The following BBX variants were observed in gnomAD, a reference collection of about 807,000 sequenced individuals.
BBX encodes HMG box transcription factor BBX.
In BBX, 30 loss-of-function variants were observed where a neutral mutation model predicts 100.2. The observed-to-expected ratio is 0.30, with a 90% CI of 0.22 to 0.41. The LOEUF (loss-of-function observed/expected upper bound fraction) is 0.41, where lower values mean the gene tolerates loss of function less well. Among genes scored for constraint, BBX ranks in the 10% least tolerant of loss-of-function variants. The probability of loss-of-function intolerance (pLI) is 1.00; values close to 1 mark genes in which losing one functional copy is unlikely to be tolerated. For missense variants in BBX, 1,023 were observed against 1,129.8 expected, an observed-to-expected ratio of 0.91 and a Z score of 1.35; for synonymous variants, 376 against 388.1, an observed-to-expected ratio of 0.97 and a Z score of 0.37.
intron 9 of BBX, among the ~76,000 whole-genome samples, 188 bp downstream of exon 9, chr3:107,748,227 G>A (rs112216280): frequency 5.3e-5 from 8 of 152,148 alleles, no homozygotes; most frequent in Admixed American, 3.3e-4. Flanking sequence ...ATCAGCTCCC[G>A]ATTTTACACC....
At chr3:107,596,874 G>C (rs2053700876) in intron 2 of BBX, among the ~76,000 whole-genome samples, 2 of 152,122 alleles carry the variant, frequency 1.3e-5, no homozygotes, top group South Asian at 4.1e-4. Context: ...GGTCTAAATT[G>C]CTGTTTTCTT....
chr3:107,538,921 C>T (rs999538653), intron 2 of BBX, among the ~76,000 whole-genome samples: 5 of 151,968 alleles, frequency 3.3e-5, no homozygotes, highest in Non-Finnish European at 4.4e-5. Flanking sequence ...GCTGGGACCA[C>T]AGGAACATGC....
At chr3:107,655,757 G>C (rs1268545910) in intron 3 of BBX, among the ~76,000 whole-genome samples, 1 of 151,022 alleles carries the variant, frequency 6.6e-6, no homozygotes, top group Non-Finnish European at 1.5e-5. Flanking sequence ...CTGGAATGCA[G>C]TGACACAATC....
intron 2 of BBX, among the ~76,000 whole-genome samples, chr3:107,609,711 C>T (rs767180682): frequency 1.2e-4 from 18 of 151,676 alleles, no homozygotes; most frequent in East Asian, 5.8e-4. Flanking sequence ...TGAATTTCTG[C>T]GGTGTTGGTT....
intron 3 of BBX, among the ~76,000 whole-genome samples, chr3:107,653,278 G>A (rs1042098773): frequency 6.6e-6 from 1 of 152,276 alleles, no homozygotes; most frequent in South Asian, 2.1e-4. Context: ...TGAATCAGCA[G>A]GTGTTTGTTA....
intron 2 of BBX, among the ~76,000 whole-genome samples, chr3:107,617,264 T>A (rs1330991151): frequency 2.6e-5 from 4 of 152,200 alleles, no homozygotes; most frequent in Non-Finnish European, 5.9e-5. Flanking sequence ...GATCGTCCAC[T>A]GATACTACAC....
chr3:107,668,549 G>A lies in BBX; in HGVS notation c.-10+22640G>A, dbSNP rs921133390. Among the ~76,000 whole-genome samples the A allele has an allele frequency of 2.0e-4, 30 of 152,286 alleles. 1 individual carries two copies. Among genetic ancestry groups the A allele is most frequent in the African/African-American group, 7.0e-4 (29 of 41,566 alleles). The stretch of plus-strand genomic sequence containing the variant: ...CCCTTAGTAACCAGCTACCTGCTAA[G>A]AACCACTCTGGACCTAAGAAAGTTC... On this transcript the variant is annotated intron_variant, in intron 3 of 17. Coordinates refer to ENST00000325805, the MANE Select transcript of BBX (RefSeq NM_001142568.3).
chr3:107,765,181 A>G (rs2066282860), intron 10 of BBX, among the ~76,000 whole-genome samples: 1 of 152,236 alleles, frequency 6.6e-6, no homozygotes, highest in African/African-American at 2.4e-5. Flanking sequence ...TTTATTCCAT[A>G]TGGCATAAGG....
intron 7 of BBX, among the ~76,000 whole-genome samples, chr3:107,738,507 T>G (rs1365995571): frequency 1.3e-5 from 2 of 152,190 alleles, no homozygotes; most frequent in African/African-American, 4.8e-5. Context: ...AGTTAAGTCT[T>G]ATTTACCTTA....
At chr3:107,554,377 A>G (rs964121079) in intron 2 of BBX, among the ~76,000 whole-genome samples, 5 of 152,236 alleles carry the variant, frequency 3.3e-5, no homozygotes, top group Admixed American at 1.3e-4. Flanking sequence ...AGAAATTGTA[A>G]ATAGACTGAT....
intron 2 of BBX, among the ~76,000 whole-genome samples, chr3:107,644,826 C>A (rs893578518): frequency 6.6e-6 from 1 of 151,868 alleles, no homozygotes; most frequent in Non-Finnish European, 1.5e-5. Context: ...GTTAATAGCA[C>A]GGGGTGGCAA....
intron 10 of BBX, among the ~76,000 whole-genome samples, chr3:107,763,118 C>A: frequency 2.6e-5 from 4 of 152,088 alleles, no homozygotes; most frequent in Non-Finnish European, 5.9e-5. Flanking sequence ...TTTCAAAATT[C>A]TAAAAAGTCC....
chr3:107,544,039 G>T (rs892985817), intron 2 of BBX, among the ~76,000 whole-genome samples: 2 of 152,124 alleles, frequency 1.3e-5, no homozygotes, highest in African/African-American at 4.8e-5. Flanking sequence ...TATTTTTAAG[G>T]TTAGTATATT....
intron 2 of BBX, among the ~76,000 whole-genome samples, chr3:107,537,717 G>GT: frequency 6.6e-6 from 1 of 152,282 alleles, no homozygotes; most frequent in South Asian, 2.1e-4. Flanking sequence ...TGACTTTTGT[G>GT]TTTGTTATAC....
At chr3:107,612,054 TTTTG>T (rs1351273860) in intron 2 of BBX, among the ~76,000 whole-genome samples, 1 of 152,044 alleles carries the variant, frequency 6.6e-6, no homozygotes, top group Non-Finnish European at 1.5e-5. Context: ...AATTCCAGAT[TTTTG>T]TTTGATTCTT....
intron 2 of BBX, among the ~76,000 whole-genome samples, chr3:107,635,119 T>A (rs2056774049): frequency 7.1e-6 from 1 of 141,038 alleles, no homozygotes; most frequent in Non-Finnish European, 1.5e-5. Flanking sequence ...ACTATTACCA[T>A]CTATAAAAAT....
chr3:107,785,773 A>G (rs2068355285), intron 13 of BBX, among the ~76,000 whole-genome samples: 1 of 152,072 alleles, frequency 6.6e-6, no homozygotes, highest in Non-Finnish European at 1.5e-5. Flanking sequence ...AAGGGGCAAT[A>G]CAAGAATATC....
At chr3:107,726,513 G>A (rs1176152166) in intron 5 of BBX, among the ~76,000 whole-genome samples, 2 of 151,976 alleles carry the variant, frequency 1.3e-5, no homozygotes, top group African/African-American at 4.8e-5. Context: ...TTGAGTTTAA[G>A]AATCTGCAAG....
chr3:107,571,787 C>T (rs2107519317), intron 2 of BBX, among the ~76,000 whole-genome samples: 1 of 152,338 alleles, frequency 6.6e-6, no homozygotes, highest in South Asian at 2.1e-4. Flanking sequence ...CACCTGGGTG[C>T]AGGCGGGCTG....
Sources: gnomAD v4.1 joint callset for allele counts (sites outside exome capture counted in the v4.1 genomes callset) on GRCh38, gnomAD v4.1.1 for gene constraint, MANE v1.5 for transcripts, NCBI Gene and HGNC (gene_info 2026-07-23, HGNC 2026-07-21) for gene names.